The following ARHGAP11A variants were observed in gnomAD, a reference collection of about 807,000 sequenced individuals.
ARHGAP11A encodes Rho GTPase activating protein 11A.
A neutral mutation model predicts 60.5 loss-of-function variants in ARHGAP11A; 36 were observed. The ratio of observed to expected loss-of-function variants is 0.59; its 90% CI spans 0.46 to 0.79. ARHGAP11A has a LOEUF of 0.79. ARHGAP11A is among the 30% of genes least tolerant of loss of function. The pLI is 0.00. For synonymous variants in ARHGAP11A, 362 were observed against 415.5 expected, an observed-to-expected ratio of 0.87 and a Z score of 1.57; for missense variants, 1,071 against 1,199.2, an observed-to-expected ratio of 0.89 and a Z score of 1.58.
rs2053120147 is a variant in ARHGAP11A, at chr15:32,615,722, G to A, written c.-490G>A. 1 of 153,182 alleles carries A rather than the reference G, an allele frequency of 6.5e-6. No homozygotes were observed. The highest frequency in any genetic ancestry group is 1.5e-5 in the Non-Finnish European group (1 of 68,688). The allele number at this position is 153,182 out of a possible 1,614,324, so 9.5% of individuals were successfully genotyped here. ...AGTTGCCTGAGCAGCCGGCTGGTCC[G>A]GCGGCCAGGCTAGGGCGGGGGCGAG... On this transcript the variant is annotated 5_prime_UTR_variant, in exon 1 of 12. Coordinates refer to ENST00000361627, the MANE Select transcript of ARHGAP11A (RefSeq NM_014783.6).
intron 2 of ARHGAP11A, among the ~76,000 whole-genome samples, chr15:32,620,837 A>G (rs1000087429): frequency 3.3e-5 from 5 of 151,840 alleles, no homozygotes; most frequent in Admixed American, 1.3e-4. Context: ...GGGCCGAGGC[A>G]GGAGGATCGC....
Position 32,636,862 on chromosome 15 carries a change from A to G in ARHGAP11A, c.2089A>G (p.Met697Val), listed in dbSNP as rs2053728314. ...TIKCYSTQMK[M>V]EHEKDIHSNM... ...AAAATGTTATTCAACTCAGATGAAGATGGAACATGAAAAAGACATTCATTC... is the reference window on the plus strand; with the variant it reads ...AAAATGTTATTCAACTCAGATGAAGGTGGAACATGAAAAAGACATTCATTC... Residue 697 changes from methionine to valine, a missense_variant, in exon 12 of 12, where the codon ATG (methionine) becomes GTG (valine). Coordinates refer to ENST00000361627, the MANE Select transcript of ARHGAP11A (RefSeq NM_014783.6). 1 of 1,612,718 alleles carries G rather than the reference A, an allele frequency of 6.2e-7. No individual in the cohort carries two copies. The highest frequency in any genetic ancestry group is 1.7e-4 in the Middle Eastern group (1 of 6,056).
intron 7 of ARHGAP11A, among the ~76,000 whole-genome samples, 180 bp from the exon 8 acceptor site, chr15:32,629,415 C>T (rs993615366): frequency 7.5e-5 from 11 of 147,352 alleles, no homozygotes; most frequent in African/African-American, 2.5e-4. Context: ...TCCTTATTTT[C>T]ATTTAAGTAA....
chr15:32,624,130 T>C (rs1039299408), intron 3 of ARHGAP11A, 43 bp from the exon 4 acceptor site: 3 of 1,608,856 alleles, frequency 1.9e-6, no homozygotes, highest in Admixed American at 3.4e-5. Context: ...TGCAATAAAC[T>C]CTTAAGTTGC....
At chr15:32,615,325 ACT>A (rs1459549326), upstream of ARHGAP11A, 1 of 151,900 alleles carries the variant, frequency 6.6e-6, no homozygotes, top group African/African-American at 2.4e-5. Flanking sequence ...AACAAGTGAA[ACT>A]CATCCTGCTT....
intron 2 of ARHGAP11A, among the ~76,000 whole-genome samples, chr15:32,622,002 G>A (rs1449773411): frequency 6.6e-6 from 1 of 152,308 alleles, no homozygotes; most frequent in South Asian, 2.1e-4. Flanking sequence ...GGTTGCCTTA[G>A]GACAGTTTCC....
chr15:32,617,604 TG>T (rs2053188946), intron 1 of ARHGAP11A, among the ~76,000 whole-genome samples: 2 of 151,934 alleles, frequency 1.3e-5, no homozygotes, highest in South Asian at 4.2e-4. Flanking sequence ...CCCGAGTAGC[TG>T]GGACTACAGG....
chr15:32,633,976 C>T lies in ARHGAP11A; in HGVS notation c.1279C>T (p.His427Tyr). 2 of 1,606,470 alleles carry T rather than the reference C, an allele frequency of 1.2e-6. No homozygotes were observed. Among genetic ancestry groups the T allele is most frequent in the Admixed American group, 3.4e-5 (2 of 58,458 alleles). ...AGGCTGCTTTTCTCCTAAAATCAGC[C>T]ATAAAGAAAAGGTTCGAAGATCTCT... Reference protein sequence around the residue: ...KAGCFSPKISHKEKVRRSLRL... With the variant: ...KAGCFSPKISYKEKVRRSLRL... The change falls in exon 10 of 12, where the codon CAT (histidine) becomes TAT (tyrosine). Residue 427 changes from histidine (H) to tyrosine (Y), a missense_variant. By Grantham distance (83) the His-to-Tyr change is moderately conservative. This residue lies in a region of ARHGAP11A where 776 missense variants were observed against 760.2 expected (regional missense o/e 1.02). Coordinates refer to ENST00000361627, the MANE Select transcript of ARHGAP11A (RefSeq NM_014783.6).
intron 1 of ARHGAP11A, among the ~76,000 whole-genome samples, 193 bp downstream of exon 1, chr15:32,616,533 T>C (rs1411703245): frequency 6.6e-6 from 1 of 152,170 alleles, no homozygotes; most frequent in African/African-American, 2.4e-5. Flanking sequence ...GGATTTTTGA[T>C]CATTGAGAGA....
intron 2 of ARHGAP11A, among the ~76,000 whole-genome samples, 165 bp downstream of exon 2, chr15:32,620,343 G>A (rs1403660926): frequency 2.0e-5 from 3 of 152,154 alleles, no homozygotes; most frequent in Non-Finnish European, 4.4e-5. Flanking sequence ...TTAGCTTGGC[G>A]GAGCACACTT....
chr15:32,617,464 T>TCTTTTC (rs1417480018), intron 1 of ARHGAP11A, among the ~76,000 whole-genome samples: 6 of 142,506 alleles, frequency 4.2e-5, no homozygotes, highest in African/African-American at 1.6e-4. Context: ...CCTTTTCTTT[T>TCTTTTC]CTTTTCCTTT....
chr15:32,633,184 T>C, intron 9 of ARHGAP11A, 76 bp downstream of exon 9: 1 of 1,514,832 alleles, frequency 6.6e-7, no homozygotes, highest in East Asian at 2.3e-5. Context: ...GTTTTGTCTT[T>C]CTGTCAAGCA....
rs752554021 is a variant in ARHGAP11A, at chr15:32,625,605, T to C, written c.834T>C (p.Tyr278=). 3.0e-5 allele frequency: 49 copies of C among 1,613,788 alleles called. No individual in the cohort carries two copies. The highest frequency in any genetic ancestry group is 3.9e-5 in the Non-Finnish European group (46 of 1,179,842). Residue 278 remains tyrosine (Y), a synonymous_variant, in exon 6 of 12, where the codon TAT becomes TAC. Coordinates refer to ENST00000361627, the MANE Select transcript of ARHGAP11A (RefSeq NM_014783.6). ...GTGAATATGAAACTCCTGGTGAATA[T>C]AAGAGAAAGAGAAGACAAAGTGTAG... ...EEGEYETPGE[Y]KRKRRQSVGD...
chr15:32,630,830 T>C (rs2053568021), intron 8 of ARHGAP11A, among the ~76,000 whole-genome samples: 1 of 152,178 alleles, frequency 6.6e-6, no homozygotes, highest in Non-Finnish European at 1.5e-5. Context: ...TGTTCACAGG[T>C]TGGAGACTTA....
In ARHGAP11A at chr15:32,637,577, C is replaced by T; in HGVS notation, c.2804C>T (p.Pro935Leu). 6.2e-7 allele frequency: 1 copy of T among 1,614,134 alleles called. No individual in the cohort carries two copies. Among genetic ancestry groups the T allele is most frequent in the African/African-American group, 1.3e-5 (1 of 75,030 alleles). ...SKSFLKMRKHPDSVNASLRST... is the reference protein window; with the variant it reads ...SKSFLKMRKHLDSVNASLRST... ...TCTTTCTTAAAGATGAGGAAGCACC[C>T]AGATTCAGTGAATGCTTCTCTTAGG... is the stretch of plus-strand genomic sequence containing the variant. Residue 935 changes from proline to leucine, a missense_variant, in exon 12 of 12, where the codon CCA becomes CTA. Physicochemically the swap from Pro to Leu is moderately conservative, Grantham distance 98. This residue lies in a region of ARHGAP11A where 776 missense variants were observed against 760.2 expected (regional missense o/e 1.02). Coordinates refer to ENST00000361627, the MANE Select transcript of ARHGAP11A (RefSeq NM_014783.6).
intron 4 of ARHGAP11A, 92 bp downstream of exon 4, chr15:32,624,518 G>A (rs2053413452): frequency 1.8e-5 from 27 of 1,468,788 alleles, no homozygotes; most frequent in Admixed American, 2.5e-5. Context: ...ATTTGGAATG[G>A]AAATTTTTCT....
At position 32,617,191 on chromosome 15, in the gene ARHGAP11A, A is replaced by G. The variant is rs546201129; in HGVS notation, c.129+851A>G. On this transcript the variant is annotated intron_variant, in intron 1 of 11. Transcript: ENST00000361627. ...GGAGACAAGCTAATAAAATTAATAT[A>G]CGTTGCTTTTAATAGTTTATGGTTT... Among the ~76,000 whole-genome samples the G allele has an allele frequency of 1.3e-4, 20 of 152,316 alleles. 1 individual carries two copies. The highest frequency in any genetic ancestry group is 3.4e-3 in the Middle Eastern group (1 of 294).
At position 32,615,511 on chromosome 15, in the gene ARHGAP11A, C is replaced by T. The variant is rs73369102; in HGVS notation, c.-701C>T. 0.28 allele frequency: 41,842 copies of T among 151,610 alleles called. 6,415 individuals carry two copies. Among genetic ancestry groups the T allele is most frequent in the Admixed American group, 0.31 (4,616 of 15,078 alleles). The allele number at this position is 151,610 out of a possible 1,614,324, so 9.4% of individuals were successfully genotyped here. Reference sequence around the variant, plus strand: ...GGCTGAAACTGCGGGTGTGACCCCCCCGTGGTGGCTCTGGGTGTCTGCGGA... The same window carrying T: ...GGCTGAAACTGCGGGTGTGACCCCCTCGTGGTGGCTCTGGGTGTCTGCGGA... On this transcript the variant is annotated 5_prime_UTR_variant, in exon 1 of 12. Coordinates refer to ENST00000361627, the MANE Select transcript of ARHGAP11A (RefSeq NM_014783.6).
At chr15:32,636,012 A>G (rs1186805032) in intron 11 of ARHGAP11A, 97 bp downstream of exon 11, 8 of 1,436,326 alleles carry the variant, frequency 5.6e-6, no homozygotes, top group Non-Finnish European at 7.3e-6. Flanking sequence ...TGTTCTAGAG[A>G]TTAAAAGTTC....
Sources: allele counts gnomAD v4.1 joint callset (sites outside exome capture counted in the v4.1 genomes callset), GRCh38; gene constraint gnomAD v4.1.1; regional missense constraint gnomAD v4.1.1; transcripts MANE v1.5; gene names NCBI Gene and HGNC (gene_info 2026-07-23, HGNC 2026-07-21).